The following FGF14 variants were observed in gnomAD, a reference collection of about 807,000 sequenced individuals.
FGF14 encodes the protein fibroblast growth factor homologous factor 4.
FGF14 carries 5 observed loss-of-function variants against 25.5 expected under a neutral mutation model. That is an observed-to-expected ratio of 0.20 (90% CI 0.10 to 0.41). FGF14 has a LOEUF of 0.41. Among genes scored for constraint, FGF14 ranks in the 10% least tolerant of loss-of-function variants. The pLI is 1.00. For missense variants in FGF14, 222 were observed against 320.1 expected (o/e 0.69, Z 2.34); for synonymous variants, 138 against 118.3 (o/e 1.17, Z -1.08).
chr13:102,029,480 T>C (rs1045005240), intron 1 of FGF14, among the ~76,000 whole-genome samples: 2 of 152,058 alleles, frequency 1.3e-5, no homozygotes, highest in Admixed American at 6.6e-5. Context: ...TGAAACAACT[T>C]GAGCCAGTAT....
chr13:102,030,327 C>T (rs773796258), intron 1 of FGF14, among the ~76,000 whole-genome samples: 2 of 151,984 alleles, frequency 1.3e-5, no homozygotes, highest in African/African-American at 4.8e-5. Context: ...GGAGCACATG[C>T]CCCCACATGC....
intron 3 of FGF14, among the ~76,000 whole-genome samples, chr13:101,792,500 A>C (rs2040294640): frequency 6.6e-6 from 1 of 152,132 alleles, no homozygotes; most frequent in Non-Finnish European, 1.5e-5. Context: ...ATCTCATTTC[A>C]CAAGATGAAC....
At chr13:101,800,538 C>T (rs912038220) in intron 3 of FGF14, among the ~76,000 whole-genome samples, 1 of 152,128 alleles carries the variant, frequency 6.6e-6, no homozygotes, top group African/African-American at 2.4e-5. Context: ...AAACAGCAAC[C>T]GATCATAATG....
At chr13:101,913,613 GT>G (rs2033173552) in intron 1 of FGF14, among the ~76,000 whole-genome samples, 2 of 152,100 alleles carry the variant, frequency 1.3e-5, no homozygotes, top group South Asian at 4.1e-4. Flanking sequence ...ACTTGACAAT[GT>G]GCTTAAAATT....
chr13:101,736,071 T>C (rs941648011), intron 3 of FGF14, among the ~76,000 whole-genome samples: 2 of 152,198 alleles, frequency 1.3e-5, no homozygotes, highest in African/African-American at 4.8e-5. Context: ...AAGTAGAGAT[T>C]AGTGATAGCT....
chr13:101,918,691 T>G (rs1045808601), upstream of FGF14, among the ~76,000 whole-genome samples: 8 of 152,252 alleles, frequency 5.3e-5, no homozygotes, highest in African/African-American at 1.9e-4. Context: ...AAGCAGCCAC[T>G]GCTGGGCTGT....
chr13:102,112,346 G>C (rs536663), intron 1 of FGF14, among the ~76,000 whole-genome samples: 103,172 of 151,676 alleles, frequency 0.68, 36,637 homozygotes, highest in East Asian at 0.9. Context: ...CAGGTCCCCC[G>C]CCTTCTCCAC....
At chr13:102,281,901 T>A (rs1261275783) in intron 1 of FGF14, among the ~76,000 whole-genome samples, 1 of 152,090 alleles carries the variant, frequency 6.6e-6, no homozygotes, top group African/African-American at 2.4e-5. Context: ...AGGTCAAGAT[T>A]GATCATTTCT....
chr13:101,960,934 T>G (rs1464804234), intron 1 of FGF14, among the ~76,000 whole-genome samples: 1 of 152,252 alleles, frequency 6.6e-6, no homozygotes, highest in African/African-American at 2.4e-5. Flanking sequence ...TGCATTTCTT[T>G]AATGATCGTT....
intron 1 of FGF14, among the ~76,000 whole-genome samples, chr13:102,006,727 C>CT (rs774872814): frequency 0.12 from 7,164 of 61,614 alleles, 1,981 homozygotes; most frequent in African/African-American, 0.13. Flanking sequence ...AATCTTACTT[C>CT]TTTTTTTTTT....
intron 3 of FGF14, among the ~76,000 whole-genome samples, chr13:101,792,032 G>A (rs2040264657): frequency 6.6e-6 from 1 of 152,126 alleles, no homozygotes; most frequent in African/African-American, 2.4e-5. Flanking sequence ...TTTGTGACAA[G>A]TGAGAAAATA....
chr13:102,333,550 T>G (rs1446040427), intron 1 of FGF14, among the ~76,000 whole-genome samples: 1 of 152,152 alleles, frequency 6.6e-6, no homozygotes, highest in Non-Finnish European at 1.5e-5. Context: ...CCCTGGGCTT[T>G]CGGTAAAGTA....
At chr13:102,182,334 C>T (rs1281915872) in intron 1 of FGF14, among the ~76,000 whole-genome samples, 2 of 152,162 alleles carry the variant, frequency 1.3e-5, no homozygotes, top group Non-Finnish European at 2.9e-5. Flanking sequence ...ACCTCAGAGC[C>T]TCTGGAGGGG....
At chr13:102,188,825 C>G (rs2048974671) in intron 1 of FGF14, among the ~76,000 whole-genome samples, 1 of 151,774 alleles carries the variant, frequency 6.6e-6, no homozygotes, top group South Asian at 2.1e-4. Context: ...GCTGTAATCC[C>G]AGATACTGGG....
chr13:102,323,236 CT>C (rs2056311103), intron 1 of FGF14, among the ~76,000 whole-genome samples: 2 of 152,144 alleles, frequency 1.3e-5, no homozygotes, highest in South Asian at 4.1e-4. Context: ...AGTTTGAGAC[CT>C]TTTAAGCTGC....
At chr13:101,874,410 A>G (rs990484347) in intron 2 of FGF14, among the ~76,000 whole-genome samples, 7 of 152,232 alleles carry the variant, frequency 4.6e-5, no homozygotes, top group Non-Finnish European at 8.8e-5. Flanking sequence ...TTTGCTTTTC[A>G]CTAACTCCCC....
intron 1 of FGF14, among the ~76,000 whole-genome samples, chr13:102,275,249 T>C (rs1259433456): frequency 2.0e-5 from 2 of 101,472 alleles, no homozygotes; most frequent in South Asian, 3.2e-4. Context: ...TCTCTCTCTC[T>C]CTCTCTCTCT....
At chr13:101,735,992 G>A (rs1351298254) in intron 3 of FGF14, among the ~76,000 whole-genome samples, 1 of 152,180 alleles carries the variant, frequency 6.6e-6, no homozygotes, top group Non-Finnish European at 1.5e-5. Context: ...AGTAAATAAT[G>A]TCAACAGAGA....
At chr13:102,334,869 A>G (rs1183639412) in intron 1 of FGF14, among the ~76,000 whole-genome samples, 1 of 152,102 alleles carries the variant, frequency 6.6e-6, no homozygotes, top group East Asian at 1.9e-4. Flanking sequence ...GGGATCTAGG[A>G]CCATTTCAGC....
Sources: gnomAD v4.1 joint callset for allele counts (sites outside exome capture counted in the v4.1 genomes callset) on GRCh38, gnomAD v4.1.1 for gene constraint, MANE v1.5 for transcripts, NCBI Gene and HGNC (gene_info 2026-07-23, HGNC 2026-07-21) for gene names.